The following COG3 variants were observed in gnomAD, a reference collection of about 807,000 sequenced individuals.
COG3 encodes the protein component of oligomeric golgi complex 3.
In COG3, 32 loss-of-function variants were observed where a neutral mutation model predicts 114.1. The observed-to-expected ratio is 0.28, with a 90% CI of 0.21 to 0.38. The LOEUF is 0.38. COG3 is among the 10% of genes least tolerant of loss of function. The pLI is 1.00. For synonymous variants in COG3, 352 were observed against 365.7 expected, an observed-to-expected ratio of 0.96 and a Z score of 0.43; for missense variants, 813 against 973.2, an observed-to-expected ratio of 0.84 and a Z score of 2.19.
chr13:45,500,086 GTGTGTGTGTATATATATA>G (rs1332333729), intron 13 of COG3, among the ~76,000 whole-genome samples: 6 of 53,382 alleles, frequency 1.1e-4, no homozygotes, highest in African/African-American at 3.4e-4. Context: ...GTGTGTGTGT[GTGTGTGTGTATATATATA>G]TATATATATA....
chr13:45,479,938 T>G (rs947801545), intron 3 of COG3, among the ~76,000 whole-genome samples, 187 bp from the exon 4 acceptor site: 1 of 152,236 alleles, frequency 6.6e-6, no homozygotes, highest in Admixed American at 6.5e-5. Flanking sequence ...GTGATTTGCC[T>G]TCTTAAGTAT....
rs184657135 is a variant in COG3 at position 45,505,206 on chromosome 13, G to A, written c.1594+1857G>A. 7.9e-3 allele frequency among the ~76,000 whole-genome samples: 1,197 copies of A among 151,152 alleles called. 19 individuals carry two copies. Among genetic ancestry groups the A allele is most frequent in the African/African-American group, 0.027 (1,127 of 41,194 alleles). On this transcript the variant is annotated intron_variant, in intron 14 of 22. Transcript: ENST00000349995. ...CATCTCAGAAAAATAAAAAAAAAAA[G>A]GAAAATATCTTATTAGTAATTTTTA...
chr13:45,514,808 C>T (rs929097957), intron 16 of COG3, among the ~76,000 whole-genome samples: 1 of 151,934 alleles, frequency 6.6e-6, no homozygotes, highest in Non-Finnish European at 1.5e-5. Context: ...CCACCATGCC[C>T]GGCTAATTTT....
intron 20 of COG3, among the ~76,000 whole-genome samples, chr13:45,527,429 G>A (rs7331278): frequency 0.14 from 21,833 of 152,022 alleles, 2,448 homozygotes; most frequent in African/African-American, 0.31. Context: ...TAGCAGAGGT[G>A]TGGAGTTGGT....
intron 7 of COG3, among the ~76,000 whole-genome samples, chr13:45,484,011 CA>C (rs1392833175): frequency 6.6e-6 from 1 of 152,070 alleles, no homozygotes; most frequent in Non-Finnish European, 1.5e-5. Context: ...GGAAAATTAA[CA>C]GAGTGTAAGG....
chr13:45,516,382 T>A, intron 17 of COG3, 119 bp downstream of exon 17: 1 of 855,278 alleles, frequency 1.2e-6, no homozygotes, highest in Non-Finnish European at 1.6e-6. Flanking sequence ...GCTTGCTAAA[T>A]ATGTTATTTG....
At chr13:45,477,224 G>A (rs754936719) in intron 2 of COG3, among the ~76,000 whole-genome samples, 8 of 152,112 alleles carry the variant, frequency 5.3e-5, no homozygotes, top group Non-Finnish European at 7.3e-5. Flanking sequence ...TGGCAAGCCT[G>A]TATACCCTTG....
chr13:45,533,705 A>C (rs144895281), intron 22 of COG3, among the ~76,000 whole-genome samples: 35 of 152,312 alleles, frequency 2.3e-4, no homozygotes, highest in African/African-American at 8.4e-4. Context: ...CAGGTCATGC[A>C]TTGCTGTCAG....
chr13:45,480,415 G>A (rs1886177580), intron 4 of COG3, 125 bp downstream of exon 4: 1 of 641,744 alleles, frequency 1.6e-6, no homozygotes, highest in Admixed American at 3.1e-5. Flanking sequence ...GAGGCCCTGT[G>A]CTCAGCATGC....
At chr13:45,521,385 C>G (rs538499241) in intron 19 of COG3, among the ~76,000 whole-genome samples, 2 of 152,308 alleles carry the variant, frequency 1.3e-5, no homozygotes. Flanking sequence ...CTCTGCTGCC[C>G]TTGCTCAGAC....
chr13:45,474,716 ATCTAGC>A (rs1174316458), intron 1 of COG3, among the ~76,000 whole-genome samples: 1 of 152,228 alleles, frequency 6.6e-6, no homozygotes, highest in African/African-American at 2.4e-5. Context: ...TGCATTTTGC[ATCTAGC>A]TTATTTTAGT....
In COG3 at chr13:45,481,226, C is replaced by G; in HGVS notation, c.550-4C>G. 6.4e-7 allele frequency: 1 copy of G among 1,558,546 alleles called. No homozygotes were observed. Among genetic ancestry groups the G allele is most frequent in the Non-Finnish European group, 8.8e-7 (1 of 1,136,610 alleles). ...ATTGATTTTTCTCTTTTAAAAAATG[C>G]AAGTCGGAACTTGTTGATCTGGCTG... On this transcript the variant is annotated splice_polypyrimidine_tract_variant and splice_region_variant and intron_variant, in intron 4 of 22. Coordinates refer to ENST00000349995, the MANE Select transcript of COG3 (RefSeq NM_031431.4).
chr13:45,476,296 G>A lies in COG3; in HGVS notation c.270G>A (p.Lys90=). 6.2e-7 allele frequency: 1 copy of A among 1,613,796 alleles called. No individual in the cohort carries two copies. The highest frequency in any genetic ancestry group is 8.5e-7 in the Non-Finnish European group (1 of 1,179,786). Residue 90 remains lysine (K), a synonymous_variant, in exon 2 of 23, where the codon AAG becomes AAA. Coordinates refer to ENST00000349995, the MANE Select transcript of COG3 (RefSeq NM_031431.4). ...AATCTACAGAAGACATTCTCTTGAA[G>A]GGCTTCACTTCCTTAGGAATGGAAG... The part of the protein sequence containing the change: ...VPESTEDILL[K]GFTSLGMEEE...
intron 12 of COG3, 102 bp from the exon 13 acceptor site, chr13:45,496,050 G>A: frequency 9.2e-7 from 1 of 1,084,654 alleles, no homozygotes; most frequent in African/African-American, 1.6e-5. Flanking sequence ...TGAAGCAAAA[G>A]TGGTTCATAC....
Position 45,476,204 on chromosome 13 carries a change from C to T in COG3, c.178C>T (p.Pro60Ser). 6.2e-7 allele frequency: 1 copy of T among 1,612,284 alleles called. No homozygotes were observed. The highest frequency in any genetic ancestry group is 8.5e-7 in the Non-Finnish European group (1 of 1,179,384). Residue 60 changes from proline (P) to serine (S), a missense_variant, in exon 2 of 23, where the codon CCA becomes TCA. Pro to Ser is a moderately conservative substitution (Grantham distance 74, BLOSUM62 -1). Around this residue, in one of 2 missense-constraint regions of COG3, gnomAD observed 424 missense variants for 430.6 expected, o/e 0.98. Coordinates refer to ENST00000349995, the MANE Select transcript of COG3 (RefSeq NM_031431.4). ...AENLPVPAEL[P>S]IEDLCSLTSQ... ...TTTGTGACTCTCTTTTTTCAAGCTT[C>T]CAATTGAAGACTTGTGCAGTTTAAC...
chr13:45,504,278 T>C (rs137927371), intron 14 of COG3, among the ~76,000 whole-genome samples: 22 of 152,344 alleles, frequency 1.4e-4, no homozygotes, highest in Non-Finnish European at 2.6e-4. Flanking sequence ...ATTGCCCATC[T>C]GACAAAGTCA....
rs139760300 is a variant in COG3, at chr13:45,508,033, C to T, written c.1595-1659C>T. Among the ~76,000 whole-genome samples, 749 of 127,434 alleles carry T rather than the reference C, an allele frequency of 5.9e-3. 5 individuals carry two copies. Among genetic ancestry groups the T allele is most frequent in the African/African-American group, 0.022 (721 of 33,364 alleles). 83.6% of individuals were successfully genotyped at this position (127,434 alleles called of 152,430 possible). A position where few individuals can be genotyped will look rare whatever the true frequency, so the allele number is the denominator to read the frequency against. On this transcript the variant is annotated intron_variant, in intron 14 of 22. Transcript: ENST00000349995. ...GCAGTGGGCTGAGATTGCGCCGCTG[C>T]ACTCCAGCCTAGGTGACAGAGCCTA... is the stretch of plus-strand genomic sequence containing the variant.
At chr13:45,469,687 G>A (rs1254325251) in intron 1 of COG3, among the ~76,000 whole-genome samples, 1 of 152,044 alleles carries the variant, frequency 6.6e-6, no homozygotes, top group Admixed American at 6.6e-5. Context: ...CAAACACAAA[G>A]CAGTAAATAT....
intron 14 of COG3, 79 bp from the exon 15 acceptor site, chr13:45,509,613 T>TTTATAGTTGCCATGTAAA (rs1303743844): frequency 1.1e-5 from 18 of 1,569,212 alleles, no homozygotes; most frequent in Non-Finnish European, 1.6e-5. Context: ...GAATAAGCAG[T>TTTATAGTTGCCATGTAAA]TTATAGTTGC....
Sources: allele counts gnomAD v4.1 joint callset (sites outside exome capture counted in the v4.1 genomes callset), GRCh38; gene constraint gnomAD v4.1.1; regional missense constraint gnomAD v4.1.1; transcripts MANE v1.5; gene names NCBI Gene and HGNC (gene_info 2026-07-23, HGNC 2026-07-21).